The following GGTLC2 variants were observed in gnomAD, a reference collection of about 807,000 sequenced individuals.
The protein encoded by GGTLC2 is glutathione hydrolase light chain 2.
GGTLC2 carries 13 observed loss-of-function variants against 20.2 expected under a neutral mutation model. The observed-to-expected ratio is 0.64, with a 90% CI of 0.42 to 1.02. The LOEUF (loss-of-function observed/expected upper bound fraction) is 1.02. Among genes scored for constraint, GGTLC2 ranks in the 50% least tolerant of loss-of-function variants. GGTLC2 has a pLI of 0.00. For synonymous variants in GGTLC2, 89 were observed against 125.5 expected (o/e 0.71, Z 1.94); for missense variants, 202 against 301.3 (o/e 0.67, Z 2.44).
chr22:22,647,535 G>A (rs2064142111), intron 5 of GGTLC2, 60 bp from the exon 6 acceptor site: 1 of 1,607,118 alleles, frequency 6.2e-7, no homozygotes, highest in African/African-American at 1.3e-5. Flanking sequence ...TGACCACACA[G>A]GTGTGGTTCA....
chr22:22,646,205 G>A (rs2064074983), intron 1 of GGTLC2, 107 bp from the exon 2 acceptor site: 1 of 1,378,874 alleles, frequency 7.3e-7, no homozygotes, highest in Non-Finnish European at 9.9e-7. Flanking sequence ...CTTGGGTCCT[G>A]GGGAGCCACG....
chr22:22,646,585 C>T, intron 2 of GGTLC2, 64 bp downstream of exon 2: 1 of 1,335,586 alleles, frequency 7.5e-7, no homozygotes, highest in South Asian at 1.3e-5. Flanking sequence ...GGACTGCCCA[C>T]TTATCCAGTA....
At chr22:22,645,037 C>T (rs1218269632) in intron 1 of GGTLC2, among the ~76,000 whole-genome samples, 25 of 145,250 alleles carry the variant, frequency 1.7e-4, no homozygotes, top group Non-Finnish European at 1.9e-4. Flanking sequence ...GGACTACAGG[C>T]GCCCGCCACC....
At chr22:22,645,415 T>C (rs12160455) in intron 1 of GGTLC2, among the ~76,000 whole-genome samples, 1 of 141,954 alleles carries the variant, frequency 7.0e-6, no homozygotes, top group Non-Finnish European at 1.6e-5. Context: ...TTATTTTTTT[T>C]ATACGTGCAC....
At chr22:22,644,874 G>A (rs1410269834) in intron 1 of GGTLC2, among the ~76,000 whole-genome samples, 166 bp downstream of exon 1, 1 of 80,908 alleles carries the variant, frequency 1.2e-5, no homozygotes, top group Non-Finnish European at 2.2e-5. Context: ...AACAGAGTCA[G>A]ACTCTCTCTT....
In GGTLC2 at chr22:22,646,897, C is replaced by T; in HGVS notation, c.304+16C>T. On this transcript the variant is annotated intron_variant, in intron 3 of 5. Coordinates refer to ENST00000448514, the MANE Select transcript of GGTLC2 (RefSeq NM_199127.3). ...ATCCAGCCAGGTATGGGGTGGAGGT[C>T]TGGGGATGGGGGACTGGGGTGGAGA... The T allele has an allele frequency of 2.8e-6, 4 of 1,407,608 alleles. No individual in the cohort carries two copies. The South Asian group carries it at 4.5e-5, about 16-fold the overall frequency. 87.2% of individuals were successfully genotyped at this position (1,407,608 alleles called of 1,614,324 possible).
rs373188767 is a variant in GGTLC2, at chr22:22,646,475, G to T, written c.130G>T (p.Ala44Ser). The change falls in exon 2 of 6, where the codon GCA becomes TCA. Residue 44 changes from alanine (A) to serine (S), a missense_variant. By Grantham distance (99) the Ala-to-Ser change is moderately conservative (BLOSUM62 1). This residue lies in a region of GGTLC2 where 44 missense variants were observed against 81.2 expected (regional missense o/e 0.54). Transcript: ENST00000448514. Reference sequence around the variant, plus strand: ...GGGCACTGCTCACCTGTCTGTCGTCGCAGAGGACGGCAGTGCTGTGTCCGC... The same window carrying T: ...GGGCACTGCTCACCTGTCTGTCGTCTCAGAGGACGGCAGTGCTGTGTCCGC... ...DGGTAHLSVV[A>S]EDGSAVSATS... The T allele has an allele frequency of 4.0e-4, 624 of 1,555,008 alleles. 27 individuals are homozygous for T. In the South Asian group the frequency reaches 6.8e-3, roughly 17 times the overall value.
chr22:22,647,108 C>G (rs745910499), intron 4 of GGTLC2, 33 bp from the exon 5 acceptor site: 94 of 1,611,170 alleles, frequency 5.8e-5, no homozygotes, highest in Non-Finnish European at 7.0e-5. Context: ...ATGTGTCACC[C>G]CTTTTCTCCC....
In GGTLC2 at chr22:22,646,452, G is replaced by A. The variant is rs150455530; in HGVS notation, c.107G>A (p.Gly36Asp). The part of the protein sequence containing the change: ...KPEFYTPVDG[G>D]TAHLSVVAED... ...GAGTTCTACACGCCGGTTGATGGGG[G>A]CACTGCTCACCTGTCTGTCGTCGCA... Residue 36 changes from glycine (G) to aspartate (D), a missense_variant, in exon 2 of 6, where the codon GGC (glycine) becomes GAC (aspartate). Gly to Asp is a moderately conservative substitution (Grantham distance 94). This residue lies in a region of GGTLC2 where 44 missense variants were observed against 81.2 expected (regional missense o/e 0.54). Coordinates refer to ENST00000448514, the MANE Select transcript of GGTLC2 (RefSeq NM_199127.3). 5.2e-6 allele frequency: 8 copies of A among 1,531,376 alleles called. No homozygotes were observed. The East Asian group carries it at 7.0e-5, about 13-fold the overall frequency. The allele number at this position is 1,531,376 out of a possible 1,614,324, so 94.9% of individuals were successfully genotyped here.
intron 1 of GGTLC2, among the ~76,000 whole-genome samples, chr22:22,644,944 C>A (rs2063995844): frequency 9.3e-6 from 1 of 107,830 alleles, no homozygotes; most frequent in Non-Finnish European, 1.7e-5. Context: ...AGGCTGGATT[C>A]CAGTGGCCTG....
intron 4 of GGTLC2, 42 bp from the exon 5 acceptor site, chr22:22,647,099 T>C (rs754719157): frequency 7.4e-5 from 119 of 1,611,610 alleles, no homozygotes; most frequent in Non-Finnish European, 5.3e-5. Flanking sequence ...TGCACTGATA[T>C]GTGTCACCCC....
intron 1 of GGTLC2, among the ~76,000 whole-genome samples, chr22:22,645,647 C>T (rs2064044288): frequency 6.6e-6 from 1 of 150,728 alleles, no homozygotes; most frequent in African/African-American, 2.4e-5. Flanking sequence ...GAAAACACTC[C>T]CCAGCCTGCT....
At position 22,647,011 on chromosome 22, in the gene GGTLC2, G is replaced by A. The variant is rs142640194; in HGVS notation, c.333G>A (p.Pro111=). 3.6e-5 allele frequency: 58 copies of A among 1,611,642 alleles called. No homozygotes were observed. Among genetic ancestry groups the A allele is most frequent in the South Asian group, 8.8e-5 (8 of 90,982 alleles). Residue 111 remains proline, a synonymous_variant, in exon 4 of 6, where the codon CCG becomes CCA. Coordinates refer to ENST00000448514, the MANE Select transcript of GGTLC2 (RefSeq NM_199127.3). ...PGKQPLSSMC[P]TIMVGQDGQP... is the part of the protein sequence containing the mutation. ...AGCAGCCGCTCTCGTCAATGTGCCC[G>A]ACGATCATGGTGGGCCAGGACGGCC...
At chr22:22,645,845 C>T (rs1469725730) in intron 1 of GGTLC2, among the ~76,000 whole-genome samples, 2 of 151,020 alleles carry the variant, frequency 1.3e-5, no homozygotes, top group South Asian at 2.1e-4. Context: ...ACCATTTAGG[C>T]CACATTCCAG....
Position 22,647,638 on chromosome 22 carries a change from T to C in GGTLC2, c.554T>C (p.Ile185Thr). The change falls in exon 6 of 6, where the codon ATC becomes ACC. Residue 185 changes from isoleucine (I) to threonine (T), a missense_variant. Physicochemically the swap from Ile to Thr is moderately conservative, Grantham distance 89. Around this residue, in one of 4 missense-constraint regions of GGTLC2, gnomAD observed 22 missense variants for 69.6 expected, o/e 0.32. Coordinates refer to ENST00000448514, the MANE Select transcript of GGTLC2 (RefSeq NM_199127.3). ...ALETRHHHTQ[I>T]ASTFIAVVQA... The stretch of plus-strand genomic sequence containing the variant: ...GAGACCCGGCACCATCACACCCAGA[T>C]CGCGTCCACCTTCATCGCTGTGGTG... 6.3e-7 allele frequency: 1 copy of C among 1,580,132 alleles called. No individual in the cohort carries two copies. The highest frequency in any genetic ancestry group is 8.7e-7 in the Non-Finnish European group (1 of 1,153,152).
rs2064067763 is a variant in GGTLC2 at position 22,646,044 on chromosome 22, C to G, written c.-34-268C>G. Reference sequence around the variant, plus strand: ...ATTCCCCAGTTCCAGGCATGCAGTGCAAATTCTAGAAATATTTTTTGCATG... The same window carrying G: ...ATTCCCCAGTTCCAGGCATGCAGTGGAAATTCTAGAAATATTTTTTGCATG... On this transcript the variant is annotated intron_variant, in intron 1 of 5. Transcript: ENST00000448514. The G allele has an allele frequency of 6.0e-5, 65 of 1,085,974 alleles. 2 individuals are homozygous for G. The South Asian group carries it at 1.1e-3, about 18-fold the overall frequency. The allele number at this position is 1,085,974 out of a possible 1,614,324, so 67.3% of individuals were successfully genotyped here. A position where few individuals can be genotyped will look rare whatever the true frequency, so the allele number is the denominator to read the frequency against.
intron 1 of GGTLC2, among the ~76,000 whole-genome samples, chr22:22,645,136 C>CTGGCATTACAGGCCTCGG (rs1569285454): frequency 1.1e-3 from 14 of 12,946 alleles, no homozygotes; most frequent in African/African-American, 4.6e-3. Flanking sequence ...TCATGATCCG[C>CTGGCATTACAGGCCTCGG]CCTCCCAAAG....
chr22:22,646,241 T>A, intron 1 of GGTLC2, 71 bp from the exon 2 acceptor site: 1 of 1,430,832 alleles, frequency 7.0e-7, no homozygotes, highest in Admixed American at 2.1e-5. Flanking sequence ...CAGAGGGTTG[T>A]GGTCAGAGCC....
chr22:22,647,087 A>G, intron 4 of GGTLC2, 49 bp downstream of exon 4: 1 of 1,611,710 alleles, frequency 6.2e-7, no homozygotes, highest in Non-Finnish European at 8.5e-7. Flanking sequence ...CACCACAGCC[A>G]CTGCACTGAT....
Sources: gnomAD v4.1 joint callset for allele counts (sites outside exome capture counted in the v4.1 genomes callset) on GRCh38, gnomAD v4.1.1 for gene constraint, gnomAD v4.1.1 regional missense constraint, MANE v1.5 for transcripts, NCBI Gene and HGNC (gene_info 2026-07-23, HGNC 2026-07-21) for gene names.